Variants in MACROD2 observed in about 807,000 individuals in gnomAD.
The protein encoded by MACROD2 is ADP-ribose glycohydrolase MACROD2.
MACROD2 carries 36 observed loss-of-function variants against 70.4 expected under a neutral mutation model. That is an observed-to-expected ratio of 0.51 (90% CI 0.39 to 0.68). The LOEUF (loss-of-function observed/expected upper bound fraction) is 0.68, where lower values mean the gene tolerates loss of function less well. Ranked by LOEUF, MACROD2 falls within the 30% of genes least tolerant of loss-of-function variation. The probability of loss-of-function intolerance (pLI) is 0.00; values close to 1 mark genes in which losing one functional copy is unlikely to be tolerated. For missense variants in MACROD2, 496 were observed against 538.4 expected (o/e 0.92, Z 0.78); for synonymous variants, 172 against 178.8 (o/e 0.96, Z 0.30).
chr20:14,103,548 T>C (rs527367701), intron 3 of MACROD2, among the ~76,000 whole-genome samples: 1 of 152,290 alleles, frequency 6.6e-6, no homozygotes, highest in South Asian at 2.1e-4. Flanking sequence ...ATACTTAAGA[T>C]AGGAAGAATG....
chr20:15,432,500 T>C (rs1277574688), intron 7 of MACROD2, among the ~76,000 whole-genome samples: 2 of 152,078 alleles, frequency 1.3e-5, no homozygotes, highest in Non-Finnish European at 2.9e-5. Context: ...CTAGACCATC[T>C]GCACAATTAT....
chr20:15,853,401 T>C (rs2064321860), intron 8 of MACROD2, among the ~76,000 whole-genome samples: 1 of 152,154 alleles, frequency 6.6e-6, no homozygotes, highest in Non-Finnish European at 1.5e-5. Flanking sequence ...CATAATACTG[T>C]AAAGGGATTT....
chr20:14,063,198 GA>G (rs888381663), intron 2 of MACROD2, among the ~76,000 whole-genome samples: 38 of 152,218 alleles, frequency 2.5e-4, no homozygotes, highest in African/African-American at 8.9e-4. Context: ...CTAAGGTACT[GA>G]ATGGGTAAGT....
intron 5 of MACROD2, among the ~76,000 whole-genome samples, chr20:14,799,527 T>A (rs2072548923): frequency 6.6e-6 from 1 of 152,092 alleles, no homozygotes; most frequent in Admixed American, 6.6e-5. Context: ...TCACCTTAAT[T>A]ATGTAATAGG....
At chr20:14,466,089 A>C (rs371701425) in intron 3 of MACROD2, among the ~76,000 whole-genome samples, 1 of 152,176 alleles carries the variant, frequency 6.6e-6, no homozygotes. Flanking sequence ...CTGCCTTGCT[A>C]GATTGGGGAA....
Position 15,607,582 on chromosome 20 carries a change from G to A in MACROD2, c.645+107735G>A, listed in dbSNP as rs147077247. Among the ~76,000 whole-genome samples the A allele has an allele frequency of 1.8e-3, 272 of 152,326 alleles. 1 individual carries two copies. The highest frequency in any genetic ancestry group is 0.01 in the Middle Eastern group (3 of 294). On this transcript the variant is annotated intron_variant, in intron 8 of 17. Transcript: ENST00000684519. ...GAAGTCTCCTTCTGTCACCCAGGCT[G>A]GAGTGCAATGGCACTATCTTGGCTC...
chr20:14,382,561 C>T (rs868151736), intron 3 of MACROD2, among the ~76,000 whole-genome samples: 8 of 151,600 alleles, frequency 5.3e-5, no homozygotes, highest in Admixed American at 2.6e-4. Context: ...CCAGCGACTC[C>T]GGAGGCTGAG....
chr20:15,153,933 C>T (rs1205354998), intron 5 of MACROD2, among the ~76,000 whole-genome samples: 1 of 152,122 alleles, frequency 6.6e-6, no homozygotes, highest in South Asian at 2.1e-4. Context: ...AAAGGATGTC[C>T]TCTTACTGTG....
At chr20:15,863,834 A>G (rs368581244) in intron 9 of MACROD2, among the ~76,000 whole-genome samples, 2 of 152,204 alleles carry the variant, frequency 1.3e-5, no homozygotes, top group African/African-American at 2.4e-5. Flanking sequence ...GTAGAAAACC[A>G]AAAAACCAAT....
intron 8 of MACROD2, among the ~76,000 whole-genome samples, chr20:15,680,610 G>A (rs886121275): frequency 4.6e-5 from 7 of 152,290 alleles, no homozygotes; most frequent in African/African-American, 1.7e-4. Context: ...GTGAATTCAG[G>A]AGTCAGTAAA....
At chr20:15,882,180 T>C (rs1050375669) in intron 9 of MACROD2, among the ~76,000 whole-genome samples, 2 of 152,126 alleles carry the variant, frequency 1.3e-5, no homozygotes, top group Non-Finnish European at 2.9e-5. Context: ...AGAAAAATCA[T>C]ACAAAATTAT....
chr20:14,127,534 A>G, intron 3 of MACROD2: 1 of 502,506 alleles, frequency 2.0e-6, no homozygotes, highest in Non-Finnish European at 3.7e-6. Context: ...TTAAGGAGAA[A>G]GCCATTTTTG....
At chr20:15,070,768 A>C (rs1568558829) in intron 5 of MACROD2, among the ~76,000 whole-genome samples, 1 of 152,124 alleles carries the variant, frequency 6.6e-6, no homozygotes. Flanking sequence ...CCATGAGCCA[A>C]AGAAACCTTT....
intron 5 of MACROD2, among the ~76,000 whole-genome samples, chr20:15,131,404 C>G (rs779373906): frequency 6.6e-6 from 1 of 151,978 alleles, no homozygotes; most frequent in Admixed American, 6.6e-5. Flanking sequence ...TGAAATTTTT[C>G]AGGATTTGGT....
intron 8 of MACROD2, among the ~76,000 whole-genome samples, chr20:15,830,214 A>G (rs1236524745): frequency 1.3e-5 from 2 of 152,162 alleles, no homozygotes; most frequent in African/African-American, 4.8e-5. Context: ...ACTTCAATAA[A>G]ACGTTCCCAA....
At chr20:14,912,630 A>G (rs1034926812) in intron 5 of MACROD2, among the ~76,000 whole-genome samples, 4 of 152,166 alleles carry the variant, frequency 2.6e-5, no homozygotes, top group Non-Finnish European at 5.9e-5. Context: ...ACTGTTGAAC[A>G]GGCAGAGAAA....
At chr20:15,107,741 A>G (rs2075922243) in intron 5 of MACROD2, among the ~76,000 whole-genome samples, 2 of 152,174 alleles carry the variant, frequency 1.3e-5, no homozygotes, top group East Asian at 1.9e-4. Flanking sequence ...ACAGCAGAAT[A>G]CATTACTTCA....
intron 4 of MACROD2, 188 bp downstream of exon 4, chr20:14,493,696 G>A (rs1340032380): frequency 8.2e-6 from 4 of 490,620 alleles, no homozygotes; most frequent in Non-Finnish European, 1.4e-5. Context: ...TATTTTAATT[G>A]ACTTCGAGAT....
At chr20:15,760,080 T>C (rs2051413048) in intron 8 of MACROD2, among the ~76,000 whole-genome samples, 1 of 152,086 alleles carries the variant, frequency 6.6e-6, no homozygotes, top group African/African-American at 2.4e-5. Context: ...CAACCCCACG[T>C]GAGCCAATCA....
Sources: gnomAD v4.1 joint callset for allele counts (sites outside exome capture counted in the v4.1 genomes callset) on GRCh38, gnomAD v4.1.1 for gene constraint, MANE v1.5 for transcripts, NCBI Gene and HGNC (gene_info 2026-07-23, HGNC 2026-07-21) for gene names.